CWC27: variants seen among roughly 807,000 people sequenced by gnomAD.
CWC27 encodes the protein CWC27 spliceosome associated cyclophilin.
A neutral mutation model predicts 63.6 loss-of-function variants in CWC27; 47 were observed. The observed-to-expected ratio is 0.74, with a 90% confidence interval of 0.58 to 0.94. The LOEUF (loss-of-function observed/expected upper bound fraction) is 0.94. Among genes scored for constraint, CWC27 ranks in the 40% least tolerant of loss-of-function variants. The pLI, the probability that CWC27 is intolerant of heterozygous loss-of-function variation, is 0.00. For synonymous variants in CWC27, 175 were observed against 179.8 expected (o/e 0.97, Z 0.22); for missense variants, 495 against 554.3 (o/e 0.89, Z 1.07).
chr5:64,832,065 A>G (rs931131040), intron 10 of CWC27, among the ~76,000 whole-genome samples: 5 of 151,934 alleles, frequency 3.3e-5, no homozygotes, highest in African/African-American at 1.2e-4. Flanking sequence ...TATAAGTTGC[A>G]TGCAATGTAA....
chr5:64,943,218 C>CG (rs1554026105), intron 11 of CWC27, among the ~76,000 whole-genome samples: 1 of 146,826 alleles, frequency 6.8e-6, no homozygotes, highest in Non-Finnish European at 1.5e-5. Flanking sequence ...TTTCAGATCA[C>CG]GGCCCTGTGT....
rs779263001 is a variant in CWC27 at position 64,885,515 on chromosome 5, T to G, written c.1011T>G (p.Asn337Lys). Reference sequence around the variant, plus strand: ...CAGCAAAACAAAAAAAAGTAGAAAATGCAGCAAAACAAGCAGAAAAAAGAA... The same window carrying G: ...CAGCAAAACAAAAAAAAGTAGAAAAGGCAGCAAAACAAGCAGAAAAAAGAA... ...LLAAKQKKVE[N>K]AAKQAEKRSE... Residue 337 changes from asparagine to lysine, a missense_variant, in exon 11 of 14, where the codon AAT becomes AAG. Physicochemically the swap from Asn to Lys is moderately conservative, Grantham distance 94. Coordinates refer to ENST00000381070, the MANE Select transcript of CWC27 (RefSeq NM_005869.4). 3 of 1,604,738 alleles carry G rather than the reference T, an allele frequency of 1.9e-6. No homozygotes were observed.
intron 2 of CWC27, among the ~76,000 whole-genome samples, chr5:64,775,345 T>G (rs1414471639): frequency 6.6e-6 from 1 of 152,166 alleles, no homozygotes. Context: ...CCTTCCTGTC[T>G]TTCATCCTTA....
intron 11 of CWC27, among the ~76,000 whole-genome samples, chr5:64,927,900 A>G (rs1173088847): frequency 1.1e-4 from 16 of 152,198 alleles, no homozygotes; most frequent in Admixed American, 1.0e-3. Flanking sequence ...CATGCCTGTA[A>G]TCCCAGCACT....
At chr5:64,901,073 G>A (rs868282833) in intron 11 of CWC27, among the ~76,000 whole-genome samples, 6 of 151,860 alleles carry the variant, frequency 4.0e-5, no homozygotes, top group East Asian at 3.9e-4. Context: ...TTCTTCCAGC[G>A]TGACCCAGGG....
chr5:65,006,960 CAGAAAGAAAGAAAGAAAGAAAGAAAGAA>C lies in CWC27; in HGVS notation c.1257-11161_1257-11134del, dbSNP rs200204473. ...TAAAATACACGTTTATTTAAAAAGA[CAGAAAGAAAGAAAGAAAGAAAGAAAGAA>C]AGAAAGAAAGAAAGAAAGAAAGAAA... On this transcript the variant is annotated intron_variant, in intron 13 of 13. Coordinates refer to ENST00000381070, the MANE Select transcript of CWC27 (RefSeq NM_005869.4). Among the ~76,000 whole-genome samples the C allele has an allele frequency of 2.2e-3, 262 of 121,214 alleles. 1 individual carries two copies. The highest frequency in any genetic ancestry group is 3.0e-3 in the Non-Finnish European group (179 of 58,852). 79.5% of individuals were successfully genotyped at this position (121,214 alleles called of 152,430 possible). A position where few individuals can be genotyped will look rare whatever the true frequency, so the allele number is the denominator to read the frequency against.
At chr5:64,947,359 G>T (rs1748610746) in intron 11 of CWC27, among the ~76,000 whole-genome samples, 1 of 152,130 alleles carries the variant, frequency 6.6e-6, no homozygotes, top group South Asian at 2.1e-4. Flanking sequence ...CCTGCCTGCA[G>T]TCTAGTCTAA....
intron 2 of CWC27, among the ~76,000 whole-genome samples, chr5:64,780,673 A>G (rs1263693548): frequency 8.1e-6 from 1 of 123,038 alleles, no homozygotes; most frequent in African/African-American, 2.9e-5. Flanking sequence ...CATATATATC[A>G]CTTGTATACA....
At chr5:64,854,264 C>T (rs913152361) in intron 10 of CWC27, among the ~76,000 whole-genome samples, 9 of 152,136 alleles carry the variant, frequency 5.9e-5, no homozygotes, top group Non-Finnish European at 1.2e-4. Flanking sequence ...CTGCTATCAA[C>T]GTGTGTGTGC....
intron 8 of CWC27, among the ~76,000 whole-genome samples, chr5:64,800,994 G>A (rs1463630625): frequency 6.6e-6 from 1 of 151,998 alleles, no homozygotes; most frequent in Non-Finnish European, 1.5e-5. Flanking sequence ...AATATTTCAA[G>A]CCAATAAAAG....
Position 64,916,894 on chromosome 5 carries a change from G to T in CWC27, c.1042+31348G>T, listed in dbSNP as rs1047969640. ...GGTGGCAGTAGTAGTATTAGTAGTA[G>T]TAGTAGTAGTAGTAGTAGTAGTAGT... On this transcript the variant is annotated intron_variant, in intron 11 of 13. Transcript: ENST00000381070. Among the ~76,000 whole-genome samples, 309 of 144,162 alleles carry T rather than the reference G, an allele frequency of 2.1e-3. 1 individual carries two copies. The highest frequency in any genetic ancestry group is 7.4e-3 in the African/African-American group (270 of 36,278). 94.6% of individuals were successfully genotyped at this position (144,162 alleles called of 152,430 possible).
intron 10 of CWC27, among the ~76,000 whole-genome samples, chr5:64,878,997 G>T (rs1434603720): frequency 6.6e-6 from 1 of 151,860 alleles, no homozygotes; most frequent in Non-Finnish European, 1.5e-5. Context: ...TGGAAGAAAG[G>T]TCAGACTGGA....
intron 11 of CWC27, among the ~76,000 whole-genome samples, chr5:64,902,764 G>A (rs1009059772): frequency 6.6e-5 from 10 of 152,144 alleles, no homozygotes; most frequent in Admixed American, 3.3e-4. Flanking sequence ...AAGCCTGCTA[G>A]AATTTTGATT....
intron 11 of CWC27, among the ~76,000 whole-genome samples, chr5:64,928,111 C>T (rs540860472): frequency 7.9e-5 from 12 of 151,570 alleles, no homozygotes; most frequent in Middle Eastern, 6.8e-3. Context: ...GCTGAGATCG[C>T]GCCATTGCAC....
At chr5:64,910,692 G>A (rs893616645) in intron 11 of CWC27, among the ~76,000 whole-genome samples, 4 of 152,166 alleles carry the variant, frequency 2.6e-5, no homozygotes, top group African/African-American at 9.7e-5. Flanking sequence ...CTGCTGCCTC[G>A]CAGGTCAGTC....
chr5:64,857,399 C>T (rs935081971), intron 10 of CWC27, among the ~76,000 whole-genome samples: 7 of 152,154 alleles, frequency 4.6e-5, no homozygotes, highest in African/African-American at 7.2e-5. Context: ...AAAAGATCTG[C>T]TGTTAAGTAA....
chr5:64,807,438 T>TG (rs1744723041), intron 10 of CWC27, among the ~76,000 whole-genome samples: 1 of 152,220 alleles, frequency 6.6e-6, no homozygotes, highest in South Asian at 2.1e-4. Context: ...TGTCTCTAGT[T>TG]GTTCATTTGA....
chr5:64,935,076 T>G (rs1203854915), intron 11 of CWC27, among the ~76,000 whole-genome samples: 4 of 152,222 alleles, frequency 2.6e-5, no homozygotes, highest in South Asian at 2.1e-4. Flanking sequence ...TGATGGTAGT[T>G]TCTTTTGCTG....
chr5:64,794,820 G>A (rs952694555), intron 7 of CWC27, among the ~76,000 whole-genome samples: 1 of 152,048 alleles, frequency 6.6e-6, no homozygotes, highest in African/African-American at 2.4e-5. Flanking sequence ...ATCTTTACAT[G>A]TAACTGAAAT....
Sources: allele counts gnomAD v4.1 joint callset (sites outside exome capture counted in the v4.1 genomes callset), GRCh38; gene constraint gnomAD v4.1.1; transcripts MANE v1.5; gene names NCBI Gene and HGNC (gene_info 2026-07-23, HGNC 2026-07-21).